INPP4B: variants seen among roughly 807,000 people sequenced by gnomAD.
INPP4B encodes the protein inositol polyphosphate 4-phosphatase type II.
Under a neutral mutation model 122.5 loss-of-function variants are expected in INPP4B, and 55 were observed. The ratio of observed to expected loss-of-function variants is 0.45; its 90% confidence interval spans 0.36 to 0.56. The LOEUF is 0.56. INPP4B is among the 20% of genes least tolerant of loss of function. The pLI, the probability that INPP4B is intolerant of heterozygous loss-of-function variation, is 0.00. For synonymous variants in INPP4B, 403 were observed against 388.7 expected, an observed-to-expected ratio of 1.04 and a Z score of -0.43; for missense variants, 1,000 against 1,097.7, an observed-to-expected ratio of 0.91 and a Z score of 1.26.
At chr4:142,743,770 T>A (rs1370176315) in intron 1 of INPP4B, among the ~76,000 whole-genome samples, 1 of 151,920 alleles carries the variant, frequency 6.6e-6, no homozygotes. Flanking sequence ...AGAGATTAAG[T>A]GAAACAGTTA....
At chr4:142,430,811 C>T (rs1429838244) in intron 4 of INPP4B, among the ~76,000 whole-genome samples, 2 of 151,946 alleles carry the variant, frequency 1.3e-5, no homozygotes. Context: ...TAAAAAAATT[C>T]CCATATAAGA....
At chr4:142,350,875 T>C (rs1469594836) in intron 7 of INPP4B, among the ~76,000 whole-genome samples, 2 of 152,030 alleles carry the variant, frequency 1.3e-5, no homozygotes, top group South Asian at 2.1e-4. Context: ...TGGCTGAGAC[T>C]CTCAAAACCA....
chr4:142,832,379 A>G (rs1465219020), intron 1 of INPP4B, among the ~76,000 whole-genome samples: 1 of 152,212 alleles, frequency 6.6e-6, no homozygotes, highest in African/African-American at 2.4e-5. Flanking sequence ...GATGATTGTC[A>G]TCATAGGATC....
chr4:142,190,080 T>C (rs1416596814), intron 15 of INPP4B, among the ~76,000 whole-genome samples: 2 of 152,182 alleles, frequency 1.3e-5, no homozygotes, highest in African/African-American at 4.8e-5. Context: ...ATGACAGTAT[T>C]TTATTGGCTT....
chr4:142,247,084 G>A (rs1729268144), intron 11 of INPP4B, among the ~76,000 whole-genome samples: 1 of 152,178 alleles, frequency 6.6e-6, no homozygotes, highest in Non-Finnish European at 1.5e-5. Context: ...CTGTTTATGT[G>A]ATCGATTATG....
intron 25 of INPP4B, among the ~76,000 whole-genome samples, chr4:142,068,287 A>AT (rs1340811971): frequency 1.3e-5 from 2 of 152,202 alleles, no homozygotes; most frequent in East Asian, 3.8e-4. Context: ...ATGCTGAGAG[A>AT]TTTTGTCACC....
At chr4:142,226,691 A>G (rs900291388) in intron 12 of INPP4B, among the ~76,000 whole-genome samples, 1 of 152,242 alleles carries the variant, frequency 6.6e-6, no homozygotes, top group Non-Finnish European at 1.5e-5. Flanking sequence ...AACCATTAGT[A>G]GATGGTTGCA....
rs1736640238 is a variant in INPP4B, at chr4:142,025,145, A to C, written c.*3637T>G. 2 of 150,960 alleles carry C rather than the reference A, an allele frequency of 1.3e-5. No individual in the cohort carries two copies. The highest frequency in any genetic ancestry group is 2.4e-5 in the African/African-American group (1 of 40,990). 9.4% of individuals were successfully genotyped at this position (150,960 alleles called of 1,614,324 possible). ...AATGCTCAACAATTGCCTTTCCAGG[A>C]ATTAAAATTGCTAGTTTGTAGCATT... On this transcript the variant is annotated 3_prime_UTR_variant, in exon 26 of 26. Transcript: ENST00000262992.
At chr4:142,483,835 C>T (rs1343649921) in intron 2 of INPP4B, among the ~76,000 whole-genome samples, 2 of 151,956 alleles carry the variant, frequency 1.3e-5, no homozygotes, top group Non-Finnish European at 2.9e-5. Flanking sequence ...GAAAATATAT[C>T]CACAGGATCC....
intron 2 of INPP4B, among the ~76,000 whole-genome samples, chr4:142,567,511 AG>A (rs1002392324): frequency 6.6e-6 from 1 of 152,200 alleles, no homozygotes; most frequent in African/African-American, 2.4e-5. Context: ...AGGGAGGCTC[AG>A]CCCCTCTGTA....
chr4:142,262,567 C>T (rs1274073650), intron 10 of INPP4B, among the ~76,000 whole-genome samples: 17 of 152,050 alleles, frequency 1.1e-4, no homozygotes, highest in Admixed American at 1.1e-3. Context: ...TTTTTCTATA[C>T]AGCATATAGC....
At chr4:142,807,762 T>G (rs1779036942) in intron 1 of INPP4B, among the ~76,000 whole-genome samples, 1 of 149,984 alleles carries the variant, frequency 6.7e-6, no homozygotes, top group Admixed American at 6.6e-5. Flanking sequence ...ATGTCACAAC[T>G]TTTATTTTTC....
chr4:142,808,155 A>C (rs149198880), intron 1 of INPP4B, among the ~76,000 whole-genome samples: 1 of 152,156 alleles, frequency 6.6e-6, no homozygotes, highest in African/African-American at 2.4e-5. Flanking sequence ...CAAGCCATCC[A>C]TCCACCAACT....
At chr4:142,525,107 G>C (rs1826707474) in intron 2 of INPP4B, among the ~76,000 whole-genome samples, 2 of 150,028 alleles carry the variant, frequency 1.3e-5, no homozygotes, top group Non-Finnish European at 3.0e-5. Context: ...GACAAACAGA[G>C]AGCCAAATCA....
chr4:142,276,480 C>A (rs1031358299), intron 9 of INPP4B, among the ~76,000 whole-genome samples: 5 of 151,706 alleles, frequency 3.3e-5, no homozygotes, highest in Non-Finnish European at 7.4e-5. Flanking sequence ...AGTAACAAAG[C>A]CCTTGGTTAT....
In INPP4B at chr4:142,823,827, T is replaced by C. The variant is rs1003292044; in HGVS notation, c.-254+22382A>G. Among the ~76,000 whole-genome samples the C allele has an allele frequency of 3.3e-5, 5 of 152,180 alleles. 1 individual carries two copies. In the South Asian group the frequency reaches 1.0e-3, roughly 31 times the overall value. ...TCAGTCCTTGTGATGGTTATTTTTG[T>C]GTGTCAACTTGATTGAGCTAAAGTA... is the stretch of plus-strand genomic sequence containing the variant. On this transcript the variant is annotated intron_variant, in intron 1 of 25. Transcript: ENST00000262992.
intron 15 of INPP4B, among the ~76,000 whole-genome samples, chr4:142,179,689 A>T (rs917061837): frequency 2.2e-4 from 34 of 152,188 alleles, no homozygotes; most frequent in African/African-American, 8.0e-4. Flanking sequence ...TTTCTAAACC[A>T]ATGAAACGTC....
intron 8 of INPP4B, among the ~76,000 whole-genome samples, chr4:142,311,536 T>A (rs1326235704): frequency 6.6e-6 from 1 of 152,174 alleles, no homozygotes; most frequent in Non-Finnish European, 1.5e-5. Flanking sequence ...ATAGATTTGC[T>A]AGCTTCCAAG....
intron 25 of INPP4B, among the ~76,000 whole-genome samples, chr4:142,065,838 T>C (rs1763240433): frequency 6.6e-6 from 1 of 152,154 alleles, no homozygotes; most frequent in Non-Finnish European, 1.5e-5. Flanking sequence ...TATAAAGGTA[T>C]TACAAATAAT....
Sources: allele counts gnomAD v4.1 joint callset (sites outside exome capture counted in the v4.1 genomes callset), GRCh38; gene constraint gnomAD v4.1.1; transcripts MANE v1.5; gene names NCBI Gene and HGNC (gene_info 2026-07-23, HGNC 2026-07-21).